Variants in GOPC observed in about 807,000 individuals in gnomAD.
The protein encoded by GOPC is Golgi-associated PDZ and coiled-coil motif-containing protein.
Under a neutral mutation model 51.2 loss-of-function variants are expected in GOPC, and 32 were observed. The ratio of observed to expected loss-of-function variants is 0.63; its 90% CI spans 0.47 to 0.84. The LOEUF (loss-of-function observed/expected upper bound fraction) is 0.84. Among genes scored for constraint, GOPC ranks in the 40% least tolerant of loss-of-function variants. The pLI is 0.00. For synonymous variants in GOPC, 190 were observed against 205.1 expected, an observed-to-expected ratio of 0.93 and a Z score of 0.63; for missense variants, 441 against 555.5, an observed-to-expected ratio of 0.79 and a Z score of 2.07.
intron 6 of GOPC, 126 bp from the exon 7 acceptor site, chr6:117,569,862 T>C (rs1157834737): frequency 9.4e-7 from 1 of 1,069,456 alleles, no homozygotes; most frequent in Non-Finnish European, 1.3e-6. Context: ...CTATAAATGC[T>C]GGGTAAAATT....
chr6:117,563,479 TG>T (rs1230673742), intron 8 of GOPC, 95 bp from the exon 9 acceptor site: 1 of 1,208,052 alleles, frequency 8.3e-7, no homozygotes, highest in Non-Finnish European at 1.2e-6. Flanking sequence ...CCCAGCACTT[TG>T]AGAGGCCAAG....
intron 4 of GOPC, among the ~76,000 whole-genome samples, chr6:117,574,896 T>C (rs1365909629): frequency 6.6e-6 from 1 of 152,052 alleles, no homozygotes. Flanking sequence ...CTGGCCAACA[T>C]GGTGAAACCC....
In GOPC at chr6:117,602,439, CA is replaced by C. The variant is rs1467222501; in HGVS notation, c.-152del. 1 of 700,776 alleles carries C rather than the reference CA, an allele frequency of 1.4e-6. No individual in the cohort carries two copies. The highest frequency in any genetic ancestry group is 1.8e-5 in the African/African-American group (1 of 55,516). 43.4% of individuals were successfully genotyped at this position (700,776 alleles called of 1,614,324 possible). On this transcript the variant is annotated 5_prime_UTR_variant, in exon 1 of 9. Transcript: ENST00000368498. ...GCCGTTAACGCCAGCAGCACAGTCA[CA>C]GAACCGCAGGAGTAACGAGGCTGAA...
intron 5 of GOPC, 22 bp from the exon 6 acceptor site, chr6:117,570,977 G>T (rs759479243): frequency 8.0e-7 from 1 of 1,252,536 alleles, no homozygotes; most frequent in Non-Finnish European, 1.2e-6. Flanking sequence ...GAAAAAAGAA[G>T]AAAAAGTAGT....
rs913426625 is a variant in GOPC, at chr6:117,561,893, A to T, written c.*1361T>A. On this transcript the variant is annotated 3_prime_UTR_variant, in exon 9 of 9. Transcript: ENST00000368498. ...TTACCCTTGAACAAATATATAGTGT[A>T]TCTGGGAAAGCCAAAAAAAATGTGT... The T allele has an allele frequency of 9.7e-6, 2 of 206,992 alleles. No individual in the cohort carries two copies. Among genetic ancestry groups the T allele is most frequent in the Non-Finnish European group, 2.0e-5 (2 of 101,132 alleles). 12.8% of individuals were successfully genotyped at this position (206,992 alleles called of 1,614,324 possible).
chr6:117,570,984 T>C, intron 5 of GOPC, 29 bp from the exon 6 acceptor site: 1 of 1,173,022 alleles, frequency 8.5e-7, no homozygotes, highest in Non-Finnish European at 1.3e-6. Context: ...GAAGAAAAAG[T>C]AGTATCATTT....
At chr6:117,563,502 A>G in intron 8 of GOPC, 118 bp from the exon 9 acceptor site, 3 of 903,036 alleles carry the variant, frequency 3.3e-6, no homozygotes, top group Non-Finnish European at 5.2e-6. Flanking sequence ...TGGGTGGATA[A>G]CCTGAGGTTA....
chr6:117,601,496 C>T (rs1772009452), intron 1 of GOPC, among the ~76,000 whole-genome samples: 1 of 152,126 alleles, frequency 6.6e-6, no homozygotes, highest in African/African-American at 2.4e-5. Context: ...TCGTTATGCA[C>T]CACGAAATTT....
Position 117,576,875 on chromosome 6 carries a change from C to A in GOPC, c.474+573G>T, listed in dbSNP as rs759048966. 6.6e-5 allele frequency among the ~76,000 whole-genome samples: 10 copies of A among 151,936 alleles called. No individual in the cohort carries two copies. The South Asian group carries it at 1.9e-3, about 28-fold the overall frequency. ...GATTATATCTTCAAAAGAGGTAAAG[C>A]CATAAGACAAATTGGAACTTGATTA... On this transcript the variant is annotated intron_variant, in intron 3 of 8. Transcript: ENST00000368498.
At chr6:117,584,062 C>T (rs1779996363) in intron 1 of GOPC, among the ~76,000 whole-genome samples, 1 of 152,162 alleles carries the variant, frequency 6.6e-6, no homozygotes. Flanking sequence ...AAAGCTACTC[C>T]AATGATTTCA....
rs1179687550 is a variant in GOPC, at chr6:117,602,246, G to C, written c.43C>G (p.Pro15Ala). The stretch of plus-strand genomic sequence containing the variant: ...CCCACGGAGCAGGAGGCGCCCCCTG[G>C]GCCCCCTCCGGCTGCTGCTGGGCAT... ...GPCPAAAGGGPGGASCSVGAP... is the reference protein window; with the variant it reads ...GPCPAAAGGGAGGASCSVGAP... The change falls in exon 1 of 9, where the codon CCA becomes GCA. Residue 15 changes from proline (P) to alanine (A), a missense_variant. By Grantham distance (27) the Pro-to-Ala change is conservative. Transcript: ENST00000368498. The C allele has an allele frequency of 1.2e-6, 2 of 1,600,110 alleles. No individual in the cohort carries two copies. Among genetic ancestry groups the C allele is most frequent in the Non-Finnish European group, 8.5e-7 (1 of 1,179,274 alleles).
At chr6:117,567,252 G>C (rs1239649820) in intron 7 of GOPC, among the ~76,000 whole-genome samples, 1 of 152,102 alleles carries the variant, frequency 6.6e-6, no homozygotes, top group Non-Finnish European at 1.5e-5. Flanking sequence ...AAACATTATA[G>C]TAGCTCTTTC....
rs1772036293 is a variant in GOPC, at chr6:117,602,479, C to G, written c.-191G>C. 2 of 605,954 alleles carry G rather than the reference C, an allele frequency of 3.3e-6. No homozygotes were observed. Among genetic ancestry groups the G allele is most frequent in the African/African-American group, 1.9e-5 (1 of 54,006 alleles). The allele number at this position is 605,954 out of a possible 1,614,324, so 37.5% of individuals were successfully genotyped here. A position where few individuals can be genotyped will look rare whatever the true frequency, so the allele number is the denominator to read the frequency against. ...AACGAGGCTGAAGCTGAGGCGGCAA[C>G]GGCGGCGACACACGGAAGACTCAGT... On this transcript the variant is annotated 5_prime_UTR_variant, in exon 1 of 9. Coordinates refer to ENST00000368498, the MANE Select transcript of GOPC (RefSeq NM_020399.4).
At chr6:117,588,329 G>A (rs1780062775) in intron 1 of GOPC, among the ~76,000 whole-genome samples, 1 of 151,924 alleles carries the variant, frequency 6.6e-6, no homozygotes, top group African/African-American at 2.4e-5. Context: ...AGGCTGGAGT[G>A]TAGTGGCATG....
chr6:117,586,817 A>AT (rs1182958464), intron 1 of GOPC, among the ~76,000 whole-genome samples: 1 of 152,196 alleles, frequency 6.6e-6, no homozygotes, highest in Non-Finnish European at 1.5e-5. Flanking sequence ...ACCATTCTTC[A>AT]TAAGACCTTT....
At chr6:117,582,310 A>ACACACC (rs1779971719) in intron 1 of GOPC, among the ~76,000 whole-genome samples, 1 of 144,258 alleles carries the variant, frequency 6.9e-6, no homozygotes, top group Admixed American at 6.9e-5. Context: ...ACACACACAC[A>ACACACC]TTGATAGAGG....
intron 7 of GOPC, among the ~76,000 whole-genome samples, chr6:117,568,026 CAAA>C (rs779227271): frequency 6.4e-5 from 3 of 46,652 alleles, no homozygotes; most frequent in Admixed American, 2.5e-4. Flanking sequence ...CCCATCTCTA[CAAA>C]AAAAAAAAAA....
intron 1 of GOPC, among the ~76,000 whole-genome samples, chr6:117,582,280 A>ACG (rs1779970826): frequency 7.2e-6 from 1 of 138,672 alleles, no homozygotes; most frequent in South Asian, 2.4e-4. Context: ...CCCTACACAC[A>ACG]CACACACACA....
chr6:117,594,344 T>G (rs1358632878), intron 1 of GOPC, among the ~76,000 whole-genome samples: 1 of 152,174 alleles, frequency 6.6e-6, no homozygotes, highest in Non-Finnish European at 1.5e-5. Context: ...TACACATAAT[T>G]CCTTTATGTC....
Sources: allele counts gnomAD v4.1 joint callset (sites outside exome capture counted in the v4.1 genomes callset), GRCh38; gene constraint gnomAD v4.1.1; transcripts MANE v1.5; gene names NCBI Gene and HGNC (gene_info 2026-07-23, HGNC 2026-07-21).